TTC7B: variants seen among roughly 807,000 people sequenced by gnomAD.
TTC7B encodes tetratricopeptide repeat domain 7B.
TTC7B carries 28 observed loss-of-function variants against 106.8 expected under a neutral mutation model. The ratio of observed to expected loss-of-function variants is 0.26; its 90% CI spans 0.19 to 0.36. TTC7B has a LOEUF of 0.36. Ranked by LOEUF, TTC7B falls within the 10% of genes least tolerant of loss-of-function variation. The pLI, the probability that TTC7B is intolerant of heterozygous loss-of-function variation, is 1.00. For missense variants in TTC7B, 862 were observed against 1,076.4 expected, an observed-to-expected ratio of 0.80 and a Z score of 2.79; for synonymous variants, 405 against 430.6, an observed-to-expected ratio of 0.94 and a Z score of 0.74.
intron 13 of TTC7B, 98 bp downstream of exon 13, chr14:90,652,743 A>G: frequency 7.1e-7 from 1 of 1,409,396 alleles, no homozygotes; most frequent in Admixed American, 1.7e-5. Context: ...GGGGTAAAAC[A>G]CTGTTTACAT....
At chr14:90,699,557 T>C (rs1447495606) in intron 5 of TTC7B, among the ~76,000 whole-genome samples, 3 of 151,348 alleles carry the variant, frequency 2.0e-5, no homozygotes, top group Non-Finnish European at 4.4e-5. Context: ...AATAAAAGAC[T>C]GGGTCAATTT....
chr14:90,760,354 A>G (rs1890458953), intron 3 of TTC7B, among the ~76,000 whole-genome samples: 2 of 152,184 alleles, frequency 1.3e-5, no homozygotes, highest in Non-Finnish European at 2.9e-5. Flanking sequence ...CACAGTCTGC[A>G]GAGGTGCATG....
At chr14:90,603,373 T>A in intron 17 of TTC7B, 1 of 1,106,186 alleles carries the variant, frequency 9.0e-7, no homozygotes. Flanking sequence ...AAATTAAGAC[T>A]AAAAAAGCGA....
chr14:90,780,206 A>AC (rs1375733862), intron 3 of TTC7B, among the ~76,000 whole-genome samples: 1 of 151,634 alleles, frequency 6.6e-6, no homozygotes, highest in Non-Finnish European at 1.5e-5. Flanking sequence ...ACATGGAGAA[A>AC]CCCCCTCTCT....
intron 3 of TTC7B, among the ~76,000 whole-genome samples, chr14:90,765,105 T>C (rs1724481353): frequency 6.6e-6 from 1 of 152,214 alleles, no homozygotes; most frequent in South Asian, 2.1e-4. Context: ...CAAAATGGTA[T>C]ATCCATACAA....
Position 90,587,500 on chromosome 14 carries a change from G to A in TTC7B, c.2107+5986C>T, listed in dbSNP as rs138785670. On this transcript the variant is annotated intron_variant, in intron 18 of 19. Coordinates refer to ENST00000328459, the MANE Select transcript of TTC7B (RefSeq NM_001010854.2). ...CCACATGCTGTTCTATGCCTCCATC[G>A]TCCCTGACCTGGTGCTAGTCACTGC... 6.2e-3 allele frequency among the ~76,000 whole-genome samples: 943 copies of A among 152,246 alleles called. 36 individuals are homozygous for A. Among genetic ancestry groups the A allele is most frequent in the Admixed American group, 0.054 (822 of 15,296 alleles).
intron 15 of TTC7B, among the ~76,000 whole-genome samples, chr14:90,635,121 C>G (rs1884876248): frequency 6.6e-6 from 1 of 152,260 alleles, no homozygotes; most frequent in Non-Finnish European, 1.5e-5. Context: ...ATTGTACATC[C>G]AATTTGAAAA....
chr14:90,696,766 A>C (rs1046272436), intron 5 of TTC7B, among the ~76,000 whole-genome samples: 2 of 152,220 alleles, frequency 1.3e-5, no homozygotes, highest in African/African-American at 4.8e-5. Flanking sequence ...AGATGATATC[A>C]GATCAGAAGC....
chr14:90,780,880 C>T lies in TTC7B; in HGVS notation c.303G>A (p.Leu101=). The T allele has an allele frequency of 1.2e-6, 2 of 1,614,236 alleles. No individual in the cohort carries two copies. Among genetic ancestry groups the T allele is most frequent in the Non-Finnish European group, 8.5e-7 (1 of 1,180,052 alleles). ...LKSEFLQESN[L]IMAKLNYVEG... ...CCACATAATTCAACTTGGCCATGAT[C>T]AGATTGGATTCTTGTAGGAATTCTG... Residue 101 remains leucine (L), a synonymous_variant, in exon 3 of 20, where the codon CTG becomes CTA. Transcript: ENST00000328459.
chr14:90,622,285 A>G (rs900292911), intron 15 of TTC7B, among the ~76,000 whole-genome samples: 3 of 151,884 alleles, frequency 2.0e-5, no homozygotes, highest in Non-Finnish European at 2.9e-5. Flanking sequence ...CACTTGGCCA[A>G]TTTTTGTATT....
Position 90,805,058 on chromosome 14 carries a change from AC to A in TTC7B, c.121+11116del, listed in dbSNP as rs550581067. On this transcript the variant is annotated intron_variant, in intron 1 of 19. Coordinates refer to ENST00000328459, the MANE Select transcript of TTC7B (RefSeq NM_001010854.2). This position sits in a 1 kb window ranked among gnomAD's most constrained non-coding sequence, Gnocchi z 4.0. Reference sequence around the variant, plus strand: ...CCCAGGCAGGCAGGGCTACACAGCCACCCTGGAGATGACACCAACAGTCTTC... The same window carrying A: ...CCCAGGCAGGCAGGGCTACACAGCCACCTGGAGATGACACCAACAGTCTTC... Among the ~76,000 whole-genome samples, 204 of 151,830 alleles carry A rather than the reference AC, an allele frequency of 1.3e-3. 1 individual carries two copies. The highest frequency in any genetic ancestry group is 4.5e-3 in the African/African-American group (185 of 41,362).
intron 1 of TTC7B, among the ~76,000 whole-genome samples, chr14:90,800,779 C>G (rs12879416): frequency 1.7e-3 from 257 of 151,866 alleles, no homozygotes; most frequent in Non-Finnish European, 2.8e-3. Context: ...CCACTGCACT[C>G]CAGCCTGGAT....
In TTC7B at chr14:90,532,204, C is replaced by T. The variant is rs1194084477; in HGVS notation, c.*9164G>A. On this transcript the variant is annotated 3_prime_UTR_variant, in exon 20 of 20. Transcript: ENST00000328459. ...AACAAACAAATAAAAACCAAAACTA[C>T]ATAAAACTATTTGTAAAACTATATA... The T allele has an allele frequency of 1.3e-5, 2 of 152,168 alleles. No homozygotes were observed. The highest frequency in any genetic ancestry group is 4.8e-5 in the African/African-American group (2 of 41,430). The allele number at this position is 152,168 out of a possible 1,614,324, so 9.4% of individuals were successfully genotyped here.
chr14:90,595,839 T>C (rs1451946747), intron 17 of TTC7B, among the ~76,000 whole-genome samples: 1 of 152,198 alleles, frequency 6.6e-6, no homozygotes, highest in African/African-American at 2.4e-5. Context: ...CCGCTAAGAC[T>C]GAGAACCACT....
intron 3 of TTC7B, among the ~76,000 whole-genome samples, chr14:90,777,566 A>G (rs1287016441): frequency 6.6e-6 from 1 of 152,190 alleles, no homozygotes; most frequent in African/African-American, 2.4e-5. Flanking sequence ...TCACCAGGGA[A>G]AAGTTGAGGT....
chr14:90,617,972 T>A lies in TTC7B; in HGVS notation c.1825A>T (p.Met609Leu). ...PDEALLTCKH[M>L]LQIWKSCYNL... ...TAGCAGGATTTCCATATCTGCAGCA[T>A]GTGCTTACAAGTCAGCAGTGCCTCG... The change falls in exon 16 of 20, where the codon ATG becomes TTG. Residue 609 changes from methionine to leucine, a missense_variant. By Grantham distance (15) the Met-to-Leu change is conservative. Coordinates refer to ENST00000328459, the MANE Select transcript of TTC7B (RefSeq NM_001010854.2). 3.7e-6 allele frequency: 6 copies of A among 1,613,990 alleles called. No homozygotes were observed. Among genetic ancestry groups the A allele is most frequent in the Non-Finnish European group, 5.1e-6 (6 of 1,179,858 alleles).
At chr14:90,806,414 G>A (rs1010900483) in intron 1 of TTC7B, among the ~76,000 whole-genome samples, 2 of 152,196 alleles carry the variant, frequency 1.3e-5, no homozygotes, top group African/African-American at 4.8e-5. Flanking sequence ...CCCCGCTGCA[G>A]GGCTTGCTAC....
chr14:90,758,637 G>T (rs930323091), intron 3 of TTC7B, among the ~76,000 whole-genome samples: 4 of 152,236 alleles, frequency 2.6e-5, no homozygotes, highest in Non-Finnish European at 5.9e-5. Flanking sequence ...CTAGCAGCGA[G>T]TCCTAGCTGA....
rs373513556 is a variant in TTC7B at position 90,610,828 on chromosome 14, C to T, written c.1880G>A (p.Arg627His). ...GGTTCTATCTAAGAGGCTGCTCCCA[C>T]GTCCAGAATCACTGCAAAACACAGC... is the stretch of plus-strand genomic sequence containing the variant. ...YNLTNPSDSGRGSSLLDRTIA... is the reference protein window; with the variant it reads ...YNLTNPSDSGHGSSLLDRTIA... The change falls in exon 17 of 20, where the codon CGT (arginine) becomes CAT (histidine). Residue 627 changes from arginine (R) to histidine (H), a missense_variant. Physicochemically the swap from Arg to His is conservative, Grantham distance 29. Transcript: ENST00000328459. 79 of 1,613,490 alleles carry T rather than the reference C, an allele frequency of 4.9e-5. 1 individual carries two copies. Among genetic ancestry groups the T allele is most frequent in the Middle Eastern group, 1.6e-4 (1 of 6,062 alleles).
Sources: allele counts gnomAD v4.1 joint callset (sites outside exome capture counted in the v4.1 genomes callset), GRCh38; gene constraint gnomAD v4.1.1; non-coding constraint Gnocchi (gnomAD v3.1); transcripts MANE v1.5; gene names NCBI Gene and HGNC (gene_info 2026-07-23, HGNC 2026-07-21).